Variants in PARD3 observed in about 807,000 individuals in gnomAD.
PARD3 encodes the protein partitioning defective 3 homolog.
In PARD3, 75 loss-of-function variants were observed where a neutral mutation model predicts 155.4. That is an observed-to-expected ratio of 0.48 (90% CI 0.40 to 0.58). The LOEUF is 0.58. Ranked by LOEUF, PARD3 falls within the 20% of genes least tolerant of loss-of-function variation. The pLI is 0.00. For synonymous variants in PARD3, 576 were observed against 610.5 expected (o/e 0.94, Z 0.83); for missense variants, 1,642 against 1,721.7 (o/e 0.95, Z 0.82).
intron 5 of PARD3, among the ~76,000 whole-genome samples, chr10:34,422,516 G>C (rs895987730): frequency 6.6e-6 from 1 of 151,576 alleles, no homozygotes; most frequent in African/African-American, 2.4e-5. Flanking sequence ...AGAAATATTT[G>C]GAAATTATAT....
intron 1 of PARD3, among the ~76,000 whole-genome samples, chr10:34,729,299 G>C (rs1329220492): frequency 5.3e-5 from 8 of 152,160 alleles, no homozygotes; most frequent in Non-Finnish European, 4.4e-5. Flanking sequence ...GGGAGGTTGA[G>C]GTGGGCGGAT....
rs369272112 is a variant in PARD3, at chr10:34,733,128, G to A, written c.121-36709C>T. ...ACCTCTATCAATGGAAAACATAAAA[G>A]TCTCACTACTACAATGAAATATTTG... On this transcript the variant is annotated intron_variant, in intron 1 of 24. Transcript: ENST00000374788. Among the ~76,000 whole-genome samples, 105 of 152,234 alleles carry A rather than the reference G, an allele frequency of 6.9e-4. 1 individual carries two copies. Among genetic ancestry groups the A allele is most frequent in the African/African-American group, 2.5e-3 (103 of 41,558 alleles).
chr10:34,700,149 TGAA>T (rs2094247833), intron 1 of PARD3, among the ~76,000 whole-genome samples: 1 of 152,028 alleles, frequency 6.6e-6, no homozygotes, highest in Non-Finnish European at 1.5e-5. Flanking sequence ...GATCAAGCAG[TGAA>T]TGTCCTCATG....
At chr10:34,767,702 G>A (rs891674919) in intron 1 of PARD3, among the ~76,000 whole-genome samples, 6 of 151,958 alleles carry the variant, frequency 3.9e-5, no homozygotes, top group Non-Finnish European at 7.4e-5. Context: ...GGGTTCATGC[G>A]ATTCTCCTGC....
intron 2 of PARD3, among the ~76,000 whole-genome samples, chr10:34,666,792 A>AT (rs1564481465): frequency 1.1e-5 from 1 of 88,750 alleles, no homozygotes; most frequent in African/African-American, 5.9e-5. Context: ...AAAAAAAAAA[A>AT]AAAAATATAT....
intron 3 of PARD3, among the ~76,000 whole-genome samples, chr10:34,481,401 G>A (rs946006081): frequency 6.6e-6 from 1 of 152,146 alleles, no homozygotes; most frequent in East Asian, 1.9e-4. Flanking sequence ...TCTCAGGCGA[G>A]AGTGAAGGAC....
intron 8 of PARD3, among the ~76,000 whole-genome samples, chr10:34,383,280 C>G (rs1842034955): frequency 6.6e-6 from 1 of 151,940 alleles, no homozygotes; most frequent in South Asian, 2.1e-4. Context: ...TCTAATACAA[C>G]TTGTAGACAT....
intron 1 of PARD3, among the ~76,000 whole-genome samples, chr10:34,789,366 C>CAACTGTGT (rs1564621451): frequency 6.6e-6 from 1 of 152,158 alleles, no homozygotes; most frequent in African/African-American, 2.4e-5. Flanking sequence ...TAACTAGGAA[C>CAACTGTGT]AACTGTGTAT....
chr10:34,603,827 G>C (rs2089996019), intron 2 of PARD3, among the ~76,000 whole-genome samples: 1 of 152,152 alleles, frequency 6.6e-6, no homozygotes, highest in Non-Finnish European at 1.5e-5. Context: ...CAGTAAGTTG[G>C]TTTAGGCCAC....
chr10:34,372,938 C>T (rs1440094008), intron 11 of PARD3, among the ~76,000 whole-genome samples: 2 of 152,054 alleles, frequency 1.3e-5, no homozygotes, highest in African/African-American at 4.8e-5. Context: ...GTTTGAACCA[C>T]AGTCTGAACC....
At chr10:34,485,551 T>C (rs1433698062) in intron 3 of PARD3, among the ~76,000 whole-genome samples, 1 of 152,094 alleles carries the variant, frequency 6.6e-6, no homozygotes, top group African/African-American at 2.4e-5. Flanking sequence ...GGATTCCGGG[T>C]CATAGATTCA....
rs116403285 is a variant in PARD3 at position 34,712,533 on chromosome 10, G to C, written c.121-16114C>G. Among the ~76,000 whole-genome samples, 811 of 149,442 alleles carry C rather than the reference G, an allele frequency of 5.4e-3. 8 individuals are homozygous for C. Among genetic ancestry groups the C allele is most frequent in the African/African-American group, 0.018 (730 of 40,374 alleles). On this transcript the variant is annotated intron_variant, in intron 1 of 24. Transcript: ENST00000374788. ...TTGTAGAAGAAGAGACTAAGGAATAGGACACTTGACTTGCCTGAGATCAAC... is the reference window on the plus strand; with the variant it reads ...TTGTAGAAGAAGAGACTAAGGAATACGACACTTGACTTGCCTGAGATCAAC...
intron 1 of PARD3, among the ~76,000 whole-genome samples, chr10:34,714,922 G>A (rs1302411394): frequency 1.3e-5 from 2 of 150,684 alleles, no homozygotes; most frequent in Non-Finnish European, 3.0e-5. Flanking sequence ...CTATAGGCAC[G>A]CACCACCACA....
chr10:34,455,711 A>C (rs2077299780), intron 4 of PARD3, among the ~76,000 whole-genome samples: 1 of 152,150 alleles, frequency 6.6e-6, no homozygotes, highest in Non-Finnish European at 1.5e-5. Context: ...AATAAACTAA[A>C]TGCCTATTAA....
chr10:34,799,589 G>A (rs572625745), intron 1 of PARD3, among the ~76,000 whole-genome samples: 4 of 152,214 alleles, frequency 2.6e-5, no homozygotes, highest in South Asian at 2.1e-4. Flanking sequence ...TTCTTCTCCC[G>A]CGGGATCACT....
chr10:34,786,048 C>T (rs548956397), intron 1 of PARD3, among the ~76,000 whole-genome samples: 1 of 144,086 alleles, frequency 6.9e-6, no homozygotes, highest in African/African-American at 2.5e-5. Context: ...TCCTCTTCTT[C>T]ACTCATGTGT....
rs556840774 is a variant in PARD3 at position 34,501,014 on chromosome 10, A to C, written c.403+15965T>G. On this transcript the variant is annotated intron_variant, in intron 3 of 24. Coordinates refer to ENST00000374788, the MANE Select transcript of PARD3 (RefSeq NM_001184785.2). ...AAGAGTTAAAAATAACTAATTTGTT[A>C]CCACAGATTTTTGTTTTTTATCAAG... Among the ~76,000 whole-genome samples, 86 of 152,340 alleles carry C rather than the reference A, an allele frequency of 5.6e-4. 1 individual carries two copies. Among genetic ancestry groups the C allele is most frequent in the African/African-American group, 1.9e-3 (81 of 41,572 alleles).
intron 22 of PARD3, among the ~76,000 whole-genome samples, chr10:34,236,456 A>T (rs1173051230): frequency 1.3e-5 from 2 of 152,218 alleles, no homozygotes; most frequent in Non-Finnish European, 2.9e-5. Flanking sequence ...AGGACTAAAG[A>T]TAACAACATT....
At chr10:34,669,163 T>C (rs990840922) in intron 2 of PARD3, among the ~76,000 whole-genome samples, 5 of 152,218 alleles carry the variant, frequency 3.3e-5, no homozygotes, top group African/African-American at 7.2e-5. Flanking sequence ...TGCACTCATA[T>C]ATGTATCTCA....
Sources: allele counts gnomAD v4.1 joint callset (sites outside exome capture counted in the v4.1 genomes callset), GRCh38; gene constraint gnomAD v4.1.1; transcripts MANE v1.5; gene names NCBI Gene and HGNC (gene_info 2026-07-23, HGNC 2026-07-21).